POLE: variants seen among roughly 807,000 people sequenced by gnomAD.
The protein encoded by POLE is DNA polymerase epsilon, catalytic subunit.
POLE carries 188 observed loss-of-function variants against 279.2 expected under a neutral mutation model. The ratio of observed to expected loss-of-function variants is 0.67; its 90% CI spans 0.60 to 0.76. POLE has a LOEUF of 0.76. Ranked by LOEUF, POLE falls within the 30% of genes least tolerant of loss-of-function variation. The pLI is 0.00. For missense variants in POLE, 2,703 were observed against 3,016.7 expected, an observed-to-expected ratio of 0.90 and a Z score of 2.44; for synonymous variants, 1,214 against 1,172.5, an observed-to-expected ratio of 1.04 and a Z score of -0.72.
In POLE at chr12:132,657,923, T is replaced by C. The variant is rs1411541026; in HGVS notation, c.3323A>G (p.His1108Arg). Residue 1108 changes from histidine to arginine, a missense_variant, in exon 27 of 49, where the codon CAC becomes CGC. Around this residue, in one of 5 missense-constraint regions of POLE, gnomAD observed 1,551 missense variants for 1,686.1 expected, o/e 0.92. Coordinates refer to ENST00000320574, the MANE Select transcript of POLE (RefSeq NM_006231.4). ...GCTCTTGAGCCATTTCCGGAGAAAG[T>C]GCTTCCTCACCGTGGGCTCTGCTTG... ...IFQAEPTVRK[H>R]FLRKWLKSSS... The C allele has an allele frequency of 6.2e-7, 1 of 1,614,184 alleles. No individual in the cohort carries two copies. Among genetic ancestry groups the C allele is most frequent in the South Asian group, 1.1e-5 (1 of 91,088 alleles).
Position 132,673,089 on chromosome 12 carries a change from C to T in POLE, c.1473+75G>A, listed in dbSNP as rs5744778. 2.2e-3 allele frequency: 2,166 copies of T among 993,754 alleles called. 22 individuals carry two copies. The African/African-American group carries it at 0.031, about 14-fold the overall frequency. 61.6% of individuals were successfully genotyped at this position (993,754 alleles called of 1,614,324 possible). A position where few individuals can be genotyped will look rare whatever the true frequency, so the allele number is the denominator to read the frequency against. ...CCAGCACTCCTGGGACATCCACCTC[C>T]ATTCAGCTCCAGTGCATTTGGAATG... On this transcript the variant is annotated intron_variant, in intron 14 of 48. Coordinates refer to ENST00000320574, the MANE Select transcript of POLE (RefSeq NM_006231.4).
Position 132,656,753 on chromosome 12 carries a change from T to G in POLE, c.3582+383A>C, listed in dbSNP as rs141420091. On this transcript the variant is annotated intron_variant, in intron 29 of 48. Transcript: ENST00000320574. ...TTTAAGAATTTTCCTTTTGCTCTTC[T>G]GACTTTCACTGTACCTTTTATTACA... Among the ~76,000 whole-genome samples, 750 of 152,368 alleles carry G rather than the reference T, an allele frequency of 4.9e-3. 5 individuals carry two copies. Among genetic ancestry groups the G allele is most frequent in the African/African-American group, 0.017 (726 of 41,586 alleles).
At chr12:132,640,727 A>G (rs2042124156) in intron 39 of POLE, among the ~76,000 whole-genome samples, 1 of 152,208 alleles carries the variant, frequency 6.6e-6, no homozygotes, top group Non-Finnish European at 1.5e-5. Context: ...CCCATTCCTA[A>G]AACTCCCTTT....
Position 132,657,120 on chromosome 12 carries a change from G to C in POLE, c.3582+16C>G. ...CAAGGATCCCGCCCAGCCCAGCCTTGGGGCCCCACCGTCACCTGTCTCCTG... is the reference window on the plus strand; with the variant it reads ...CAAGGATCCCGCCCAGCCCAGCCTTCGGGCCCCACCGTCACCTGTCTCCTG... On this transcript the variant is annotated intron_variant, in intron 29 of 48. Transcript: ENST00000320574. 6.2e-7 allele frequency: 1 copy of C among 1,613,236 alleles called. No homozygotes were observed.
chr12:132,683,665 T>G (rs1010581079), intron 1 of POLE, among the ~76,000 whole-genome samples: 2 of 152,216 alleles, frequency 1.3e-5, no homozygotes, highest in African/African-American at 4.8e-5. Context: ...TTTATCAAAA[T>G]CAAGAGTGAA....
Position 132,647,805 on chromosome 12 carries a change from T to C in POLE, c.4149+1124A>G, listed in dbSNP as rs116741905. On this transcript the variant is annotated intron_variant, in intron 32 of 48. Coordinates refer to ENST00000320574, the MANE Select transcript of POLE (RefSeq NM_006231.4). Reference sequence around the variant, plus strand: ...AAACCCCACAGTCCCACCTGTTCTCTGTGGTCTCGATGCCTCTGCGTCCGC... The same window carrying C: ...AAACCCCACAGTCCCACCTGTTCTCCGTGGTCTCGATGCCTCTGCGTCCGC... Among the ~76,000 whole-genome samples the C allele has an allele frequency of 7.5e-3, 1,142 of 152,294 alleles. 14 individuals are homozygous for C. Among genetic ancestry groups the C allele is most frequent in the African/African-American group, 0.026 (1,088 of 41,558 alleles).
At chr12:132,658,197 C>T (rs554250245) in intron 26 of POLE, 2 of 479,660 alleles carry the variant, frequency 4.2e-6, no homozygotes, top group East Asian at 3.8e-5. Flanking sequence ...AACATGTCTA[C>T]ATGTTCCTCA....
intron 23 of POLE, among the ~76,000 whole-genome samples, chr12:132,662,159 G>C (rs1023102391): frequency 6.6e-6 from 1 of 152,216 alleles, no homozygotes; most frequent in African/African-American, 2.4e-5. Context: ...GATCCCAAGA[G>C]GGGTGCAGAC....
intron 5 of POLE, 107 bp downstream of exon 5, chr12:132,679,847 C>T (rs531703573): frequency 4.5e-5 from 45 of 993,826 alleles, no homozygotes; most frequent in Admixed American, 4.5e-5. Context: ...CCACACCGCC[C>T]CATCACCCAA....
chr12:132,687,166 C>G, intron 1 of POLE, 88 bp downstream of exon 1: 1 of 812,092 alleles, frequency 1.2e-6, no homozygotes, highest in Non-Finnish European at 1.6e-6. Context: ...AACCGGGCCT[C>G]CCTCCCGCCT....
Position 132,669,216 on chromosome 12 carries a change from GCACTTTCGGAGACCGAGGCCAGAGGAT to G in POLE, c.1795-304_1795-278del, listed in dbSNP as rs1316637122. Reference sequence around the variant, plus strand: ...GCAGTGGTTCATGCTTGTAATCCTAGCACTTTCGGAGACCGAGGCCAGAGGATCACTTGAGCCCAGGAGTTCGAGACC... The same window carrying G: ...GCAGTGGTTCATGCTTGTAATCCTAGCACTTGAGCCCAGGAGTTCGAGACC... On this transcript the variant is annotated intron_variant, in intron 16 of 48. Transcript: ENST00000320574. 2.0e-4 allele frequency among the ~76,000 whole-genome samples: 31 copies of G among 152,246 alleles called. 3 individuals are homozygous for G. The highest frequency in any genetic ancestry group is 1.9e-3 in the Admixed American group (29 of 15,290).
In POLE at chr12:132,625,047, G is replaced by A. The variant is rs1566307415; in HGVS notation, c.6658-53C>T. On this transcript the variant is annotated intron_variant, in intron 47 of 48. Coordinates refer to ENST00000320574, the MANE Select transcript of POLE (RefSeq NM_006231.4). ...CAGCCCTCCCGCGCTGGCCAGACCT[G>A]CCTGCTGCTTCTTCACAGGCTCGCG... is the stretch of plus-strand genomic sequence containing the variant. 20 of 1,353,814 alleles carry A rather than the reference G, an allele frequency of 1.5e-5. No individual in the cohort carries two copies. In the Middle Eastern group the frequency reaches 1.1e-3, roughly 74 times the overall value. 83.9% of individuals were successfully genotyped at this position (1,353,814 alleles called of 1,614,324 possible).
rs1161199196 is a variant in POLE at position 132,681,202 on chromosome 12, C to A, written c.140G>T (p.Arg47Leu). Residue 47 changes from arginine (R) to leucine (L), a missense_variant, in exon 2 of 49, where the codon CGG (arginine) becomes CTG (leucine). Coordinates refer to ENST00000320574, the MANE Select transcript of POLE (RefSeq NM_006231.4). ...CTCCTTCAGCCGCTCAAAACCAAACCGCAAATCCATCTTATCCGTCCACTG... is the reference window on the plus strand; with the variant it reads ...CTCCTTCAGCCGCTCAAAACCAAACAGCAAATCCATCTTATCCGTCCACTG... The part of the protein sequence containing the change: ...RSQWTDKMDL[R>L]FGFERLKEPG... 1 of 1,614,190 alleles carries A rather than the reference C, an allele frequency of 6.2e-7. No individual in the cohort carries two copies. Among genetic ancestry groups the A allele is most frequent in the Non-Finnish European group, 8.5e-7 (1 of 1,180,044 alleles).
chr12:132,681,614 CCCA>C (rs146449724), intron 1 of POLE, among the ~76,000 whole-genome samples: 3,314 of 152,212 alleles, frequency 0.022, 119 homozygotes, highest in African/African-American at 0.076. Flanking sequence ...CAACCCTCAT[CCCA>C]CCTAGTGTTA....
At position 132,632,816 on chromosome 12, in the gene POLE, C is replaced by T. The variant is rs770293854; in HGVS notation, c.6005-21G>A. The T allele has an allele frequency of 1.1e-5, 18 of 1,582,014 alleles. 1 individual carries two copies. In the South Asian group the frequency reaches 1.9e-4, roughly 17 times the overall value. On this transcript the variant is annotated intron_variant, in intron 43 of 48. Coordinates refer to ENST00000320574, the MANE Select transcript of POLE (RefSeq NM_006231.4). ...GTACGCTGTGGAGAGGCACACACAC[C>T]ACAGGCCCTGAGTCGGGCTGCTGCA...
Position 132,679,526 on chromosome 12 carries a change from G to T in POLE, c.549C>A (p.Ala183=), listed in dbSNP as rs1555230075. 6.2e-7 allele frequency: 1 copy of T among 1,613,830 alleles called. No homozygotes were observed. The highest frequency in any genetic ancestry group is 8.5e-7 in the Non-Finnish European group (1 of 1,179,760). ...AAAGCAGAGCTGTGTACGCGTCGCT[G>T]GCGTGATCCTGCTCCCTGTTCTTCT... ...AVKKNREQDH[A]SDAYTALLSS... The change falls in exon 6 of 49, where the codon GCC becomes GCA. Residue 183 remains alanine, a synonymous_variant. Coordinates refer to ENST00000320574, the MANE Select transcript of POLE (RefSeq NM_006231.4).
chr12:132,638,177 C>T (rs2042073064), intron 40 of POLE, 38 bp from the exon 41 acceptor site: 2 of 1,604,632 alleles, frequency 1.2e-6, no homozygotes, highest in South Asian at 1.1e-5. Context: ...GGAGACGCCA[C>T]AGTCATGGAG....
intron 41 of POLE, among the ~76,000 whole-genome samples, chr12:132,637,106 C>T (rs550729253): frequency 2.6e-4 from 39 of 152,218 alleles, no homozygotes; most frequent in Non-Finnish European, 5.1e-4. Context: ...ACCATCAAGG[C>T]TCATCTTGGA....
chr12:132,653,520 A>C (rs1182300586), intron 29 of POLE, among the ~76,000 whole-genome samples: 1 of 152,258 alleles, frequency 6.6e-6, no homozygotes, highest in Non-Finnish European at 1.5e-5. Context: ...AAAGCAATAG[A>C]CTTTTATATC....
Sources: allele counts gnomAD v4.1 joint callset (sites outside exome capture counted in the v4.1 genomes callset), GRCh38; gene constraint gnomAD v4.1.1; regional missense constraint gnomAD v4.1.1; transcripts MANE v1.5; gene names NCBI Gene and HGNC (gene_info 2026-07-23, HGNC 2026-07-21).